The following RBFOX2 variants were observed in gnomAD, a reference collection of about 807,000 sequenced individuals.
The protein encoded by RBFOX2 is RNA binding protein fox-1 homolog 2.
RBFOX2 carries 10 observed loss-of-function variants against 49.1 expected under a neutral mutation model. That is an observed-to-expected ratio of 0.20 (90% CI 0.13 to 0.35). The LOEUF (loss-of-function observed/expected upper bound fraction) is 0.35. Ranked by LOEUF, RBFOX2 falls within the 10% of genes least tolerant of loss-of-function variation. RBFOX2 has a pLI of 1.00. For synonymous variants in RBFOX2, 183 were observed against 187.4 expected (o/e 0.98, Z 0.19); for missense variants, 323 against 486.9 (o/e 0.66, Z 3.17).
intron 2 of RBFOX2, among the ~76,000 whole-genome samples, chr22:35,799,010 A>G (rs966832634): frequency 1.3e-5 from 2 of 152,234 alleles, no homozygotes; most frequent in Non-Finnish European, 2.9e-5. Context: ...TAGACCACCT[A>G]TACGCCTTTA....
At position 35,968,665 on chromosome 22, in the gene RBFOX2, C is replaced by T. The variant is rs541659884; in HGVS notation, c.187-29768G>A. Among the ~76,000 whole-genome samples, 150 of 152,312 alleles carry T rather than the reference C, an allele frequency of 9.8e-4. 1 individual carries two copies. Among genetic ancestry groups the T allele is most frequent in the Admixed American group, 1.8e-3 (27 of 15,300 alleles). On this transcript the variant is annotated intron_variant, in intron 1 of 13. Transcript: ENST00000438146. ...AATTCTTCAACAGGAACCATAATTT[C>T]CCATGGCATTCATTCATTCAACAAA...
At chr22:35,925,045 A>T (rs1382157160) in intron 1 of RBFOX2, among the ~76,000 whole-genome samples, 1 of 151,926 alleles carries the variant, frequency 6.6e-6, no homozygotes, top group Non-Finnish European at 1.5e-5. Flanking sequence ...TATAAAAGTT[A>T]GCCAGACGTG....
At chr22:35,833,329 T>C (rs1171759612) in intron 1 of RBFOX2, among the ~76,000 whole-genome samples, 1 of 152,170 alleles carries the variant, frequency 6.6e-6, no homozygotes, top group Non-Finnish European at 1.5e-5. Flanking sequence ...AACCACTCAA[T>C]GCAACTCCAG....
intron 2 of RBFOX2, among the ~76,000 whole-genome samples, chr22:35,801,040 G>A (rs956762396): frequency 6.6e-6 from 1 of 152,154 alleles, no homozygotes; most frequent in African/African-American, 2.4e-5. Flanking sequence ...CTTTCACTAC[G>A]TTGAATATGG....
chr22:35,989,429 T>C (rs2057868118), intron 1 of RBFOX2, among the ~76,000 whole-genome samples: 1 of 151,468 alleles, frequency 6.6e-6, no homozygotes, highest in South Asian at 2.1e-4. Context: ...CACAAAGGAA[T>C]ATTCATTGGA....
intron 1 of RBFOX2, among the ~76,000 whole-genome samples, chr22:36,018,923 C>G (rs1031973267): frequency 6.6e-6 from 1 of 152,046 alleles, no homozygotes; most frequent in South Asian, 2.1e-4. Flanking sequence ...CAGATTGGCT[C>G]TTTTAGATAG....
chr22:35,858,567 T>C (rs1295374954), intron 1 of RBFOX2, among the ~76,000 whole-genome samples: 1 of 152,192 alleles, frequency 6.6e-6, no homozygotes, highest in African/African-American at 2.4e-5. Context: ...GGCTCAGGCC[T>C]GTAATCCCAG....
chr22:36,018,597 G>A (rs535360193), intron 1 of RBFOX2, among the ~76,000 whole-genome samples: 10 of 152,204 alleles, frequency 6.6e-5, no homozygotes, highest in South Asian at 6.2e-4. Flanking sequence ...GATTTTAAGC[G>A]TGGAGTAACA....
intron 9 of RBFOX2, among the ~76,000 whole-genome samples, chr22:35,756,610 A>G (rs1200527286): frequency 6.6e-6 from 1 of 152,202 alleles, no homozygotes; most frequent in Non-Finnish European, 1.5e-5. Context: ...CCACTAGGGC[A>G]GGGCCTGTAT....
At chr22:35,987,655 C>T (rs779086085) in intron 1 of RBFOX2, among the ~76,000 whole-genome samples, 15 of 152,162 alleles carry the variant, frequency 9.9e-5, no homozygotes, top group South Asian at 6.2e-4. Context: ...CATAAAGAAG[C>T]GTGTGATACA....
At chr22:35,872,158 G>T (rs1025861305) in intron 1 of RBFOX2, among the ~76,000 whole-genome samples, 1 of 152,174 alleles carries the variant, frequency 6.6e-6, no homozygotes, top group African/African-American at 2.4e-5. Context: ...CTTAGAATTC[G>T]ACATGTTAAT....
chr22:36,011,311 C>T (rs1188789875), intron 1 of RBFOX2, among the ~76,000 whole-genome samples: 8 of 151,954 alleles, frequency 5.3e-5, no homozygotes, highest in South Asian at 2.1e-4. Context: ...AGGGTATTCA[C>T]GTGAAAAAAC....
chr22:35,938,286 G>T (rs779617127), intron 1 of RBFOX2, among the ~76,000 whole-genome samples: 187 of 152,226 alleles, frequency 1.2e-3, no homozygotes, highest in Non-Finnish European at 2.1e-3. Flanking sequence ...CCATACTGAG[G>T]GTGTCTCGTA....
rs920861018 is a variant in RBFOX2, at chr22:35,767,304, CTTAT to C, written c.546+949_546+952del. The stretch of plus-strand genomic sequence containing the variant: ...GAGATGGCAGATGGACTTTTTCTTT[CTTAT>C]TTAATTGTTTTGTAATTACATTTTT... On this transcript the variant is annotated intron_variant, in intron 5 of 11. Transcript: ENST00000405409. Among the ~76,000 whole-genome samples, 12 of 152,176 alleles carry C rather than the reference CTTAT, an allele frequency of 7.9e-5. No homozygotes were observed. The South Asian group carries it at 8.3e-4, about 11-fold the overall frequency.
At chr22:36,014,497 G>C (rs1384802905) in intron 1 of RBFOX2, among the ~76,000 whole-genome samples, 1 of 152,216 alleles carries the variant, frequency 6.6e-6, no homozygotes, top group Middle Eastern at 3.4e-3. Context: ...ACAGAATGCT[G>C]AATGAGTCAA....
chr22:35,910,788 A>G (rs1376975892), intron 1 of RBFOX2, among the ~76,000 whole-genome samples: 1 of 152,222 alleles, frequency 6.6e-6, no homozygotes, highest in Non-Finnish European at 1.5e-5. Flanking sequence ...AAGGTAATCT[A>G]TTTTAATCCA....
At chr22:35,798,032 A>G (rs937745034) in intron 2 of RBFOX2, among the ~76,000 whole-genome samples, 4 of 152,116 alleles carry the variant, frequency 2.6e-5, no homozygotes, top group Admixed American at 2.0e-4. Flanking sequence ...CTGGAGTACA[A>G]TGGCACGATT....
chr22:35,875,610 GTGTGTGT>G lies in RBFOX2; in HGVS notation c.-34+63230_-34+63236del, dbSNP rs1569441295. Among the ~76,000 whole-genome samples the G allele has an allele frequency of 3.6e-3, 54 of 14,842 alleles. 1 individual carries two copies. The highest frequency in any genetic ancestry group is 0.029 in the Middle Eastern group (1 of 34). 9.7% of individuals were successfully genotyped at this position (14,842 alleles called of 152,430 possible). On this transcript the variant is annotated intron_variant, in intron 1 of 13. Transcript: ENST00000359369. ...CGAATTAATAAATGCTCACAAGGGT[GTGTGTGT>G]GTGTGTGTGTGTGTGTGTGTGTGTG...
intron 1 of RBFOX2, among the ~76,000 whole-genome samples, chr22:35,892,387 G>A (rs1195554501): frequency 6.6e-6 from 1 of 152,152 alleles, no homozygotes; most frequent in Non-Finnish European, 1.5e-5. Context: ...CAGGAAAGCG[G>A]GGAGAAAATC....
Sources: allele counts gnomAD v4.1 joint callset (sites outside exome capture counted in the v4.1 genomes callset), GRCh38; gene constraint gnomAD v4.1.1; transcripts MANE v1.5; gene names NCBI Gene and HGNC (gene_info 2026-07-23, HGNC 2026-07-21).